SNX29: variants seen among roughly 807,000 people sequenced by gnomAD.
The protein encoded by SNX29 is sorting nexin-29.
A neutral mutation model predicts 102.1 loss-of-function variants in SNX29; 78 were observed. That is an observed-to-expected ratio of 0.76 (90% CI 0.64 to 0.92). The LOEUF (loss-of-function observed/expected upper bound fraction) is 0.92. Ranked by LOEUF, SNX29 falls within the 40% of genes least tolerant of loss-of-function variation. SNX29 has a pLI of 0.00. For synonymous variants in SNX29, 580 were observed against 414.5 expected, an observed-to-expected ratio of 1.40 and a Z score of -4.85; for missense variants, 1,280 against 1,061.7, an observed-to-expected ratio of 1.21 and a Z score of -2.86.
At position 12,436,069 on chromosome 16, in the gene SNX29, A is replaced by T. The variant is rs569013898; in HGVS notation, c.2037+32540A>T. 7.3e-4 allele frequency among the ~76,000 whole-genome samples: 111 copies of T among 152,194 alleles called. 1 individual carries two copies. Among genetic ancestry groups the T allele is most frequent in the African/African-American group, 2.5e-3 (105 of 41,534 alleles). ...TGGGGGCGGGTGTCAATGGCACTCA[A>T]TTGGGGCGCCGCACACACCGTGAGT... is the stretch of plus-strand genomic sequence containing the variant. On this transcript the variant is annotated intron_variant, in intron 18 of 20. Coordinates refer to ENST00000566228, the MANE Select transcript of SNX29 (RefSeq NM_032167.5).
intron 18 of SNX29, among the ~76,000 whole-genome samples, chr16:12,474,197 G>A (rs2087487417): frequency 6.6e-6 from 1 of 152,166 alleles, no homozygotes; most frequent in South Asian, 2.1e-4. Context: ...CATTACTTCA[G>A]CTGAAAAGGG....
chr16:12,158,241 C>T (rs1009667417), intron 13 of SNX29, among the ~76,000 whole-genome samples: 2 of 151,988 alleles, frequency 1.3e-5, no homozygotes, highest in Non-Finnish European at 2.9e-5. Flanking sequence ...GCTCTGGCAC[C>T]CAGGCTGGAG....
intron 9 of SNX29, among the ~76,000 whole-genome samples, chr16:12,066,000 C>T (rs1176285803): frequency 1.3e-5 from 2 of 152,144 alleles, no homozygotes; most frequent in East Asian, 1.9e-4. Context: ...CACCCCAGAG[C>T]GTCAGGCCCA....
At chr16:12,183,866 A>G (rs4781192) in intron 13 of SNX29, among the ~76,000 whole-genome samples, 1 of 152,138 alleles carries the variant, frequency 6.6e-6, no homozygotes, top group African/African-American at 2.4e-5. Flanking sequence ...TCTAGTCATC[A>G]TCACTGCTAT....
At position 12,545,169 on chromosome 16, in the gene SNX29, TCAGAG is replaced by T. The variant is rs1324072318; in HGVS notation, c.2318+20329_2318+20333del. On this transcript the variant is annotated intron_variant, in intron 20 of 20. Transcript: ENST00000566228. ...TGAAGTACAGACACTCTGCCAGCCG[TCAGAG>T]AAACAAATATGGTCAATACAAAAAA... Among the ~76,000 whole-genome samples, 12 of 152,156 alleles carry T rather than the reference TCAGAG, an allele frequency of 7.9e-5. No homozygotes were observed. The South Asian group carries it at 2.5e-3, about 32-fold the overall frequency.
intron 18 of SNX29, among the ~76,000 whole-genome samples, chr16:12,447,772 A>G (rs1474242221): frequency 6.6e-6 from 1 of 152,208 alleles, no homozygotes; most frequent in Non-Finnish European, 1.5e-5. Flanking sequence ...TCACTTGGCG[A>G]GAGTGCTTCA....
chr16:12,308,559 C>T (rs1292536776), intron 15 of SNX29, among the ~76,000 whole-genome samples: 2 of 152,118 alleles, frequency 1.3e-5, no homozygotes, highest in Non-Finnish European at 2.9e-5. Flanking sequence ...ACTTGTTGTG[C>T]ACTCCTCCGG....
chr16:12,552,001 G>C (rs1417484352), intron 20 of SNX29, among the ~76,000 whole-genome samples: 1 of 152,174 alleles, frequency 6.6e-6, no homozygotes, highest in East Asian at 1.9e-4. Context: ...GCTCCTGCTG[G>C]TCCCTGTCTC....
Position 12,470,022 on chromosome 16 carries a change from AAAATAAAT to A in SNX29, c.2038-7684_2038-7677del, listed in dbSNP as rs1296486783. Among the ~76,000 whole-genome samples the A allele has an allele frequency of 7.9e-5, 12 of 152,308 alleles. No homozygotes were observed. The East Asian group carries it at 1.9e-3, about 25-fold the overall frequency. ...GGGCAAAACTCCGTCTCAAAAAAAT[AAAATAAAT>A]AAATAAATAAATCGCAGGGCTTTTG... is the stretch of plus-strand genomic sequence containing the variant. On this transcript the variant is annotated intron_variant, in intron 18 of 20. Transcript: ENST00000566228.
intron 20 of SNX29, among the ~76,000 whole-genome samples, chr16:12,563,741 A>AC (rs1286782729): frequency 6.6e-6 from 1 of 152,170 alleles, no homozygotes; most frequent in African/African-American, 2.4e-5. Flanking sequence ...GTCATTCTTT[A>AC]CCCAACAGCC....
rs1306485268 is a variant in SNX29, at chr16:12,098,552, C to T, written c.1402+19637C>T. On this transcript the variant is annotated intron_variant, in intron 11 of 20. Coordinates refer to ENST00000566228, the MANE Select transcript of SNX29 (RefSeq NM_032167.5). This position sits in a 1 kb window ranked among gnomAD's most constrained non-coding sequence, Gnocchi z 6.0. The stretch of plus-strand genomic sequence containing the variant: ...CTGTACACACCGTCGGTTTCATGTG[C>T]GCAGACGATTCAGTTTCATGCGCGC... 6.6e-6 allele frequency among the ~76,000 whole-genome samples: 1 copy of T among 152,208 alleles called. No homozygotes were observed. Among genetic ancestry groups the T allele is most frequent in the Non-Finnish European group, 1.5e-5 (1 of 68,042 alleles).
chr16:12,311,766 A>C (rs2080560210), intron 15 of SNX29, among the ~76,000 whole-genome samples: 1 of 152,218 alleles, frequency 6.6e-6, no homozygotes, highest in South Asian at 2.1e-4. Flanking sequence ...ATCTCTGTAC[A>C]TCTCTGCTGT....
At chr16:12,148,251 A>G (rs2055149551) in intron 13 of SNX29, among the ~76,000 whole-genome samples, 1 of 152,218 alleles carries the variant, frequency 6.6e-6, no homozygotes, top group African/African-American at 2.4e-5. Context: ...CCACCCATGG[A>G]GCTACAAAAT....
intron 19 of SNX29, among the ~76,000 whole-genome samples, chr16:12,487,080 T>G (rs2088280956): frequency 6.6e-6 from 1 of 152,178 alleles, no homozygotes; most frequent in Non-Finnish European, 1.5e-5. Context: ...TTTTATATAC[T>G]AGGAATACTC....
chr16:12,540,478 A>G (rs1033262259), intron 20 of SNX29, among the ~76,000 whole-genome samples: 2 of 152,238 alleles, frequency 1.3e-5, no homozygotes, highest in African/African-American at 2.4e-5. Flanking sequence ...GGCTACAGTC[A>G]AGGTGTCGGC....
intron 4 of SNX29, among the ~76,000 whole-genome samples, chr16:12,036,334 CTTTTTTTT>C (rs1217078180): frequency 3.8e-5 from 3 of 78,500 alleles, no homozygotes; most frequent in African/African-American, 1.2e-4. Flanking sequence ...TTCTTTCTTT[CTTTTTTTT>C]TTTTTTTTTT....
intron 16 of SNX29, among the ~76,000 whole-genome samples, chr16:12,396,782 G>A (rs1430396940): frequency 6.6e-6 from 1 of 152,170 alleles, no homozygotes; most frequent in Non-Finnish European, 1.5e-5. Context: ...AAGGGTATTT[G>A]ATTACTTAGT....
intron 14 of SNX29, among the ~76,000 whole-genome samples, chr16:12,225,162 C>T (rs1445779194): frequency 6.6e-6 from 1 of 152,150 alleles, no homozygotes; most frequent in African/African-American, 2.4e-5. Context: ...ATTAATATCA[C>T]TGCCTTTGAT....
At chr16:12,371,714 T>C (rs1252522106) in intron 16 of SNX29, among the ~76,000 whole-genome samples, 2 of 152,222 alleles carry the variant, frequency 1.3e-5, no homozygotes, top group Non-Finnish European at 2.9e-5. Context: ...ATCGCCACAC[T>C]GTCCTGTTAG....
Sources: allele counts gnomAD v4.1 joint callset (sites outside exome capture counted in the v4.1 genomes callset), GRCh38; gene constraint gnomAD v4.1.1; non-coding constraint Gnocchi (gnomAD v3.1); transcripts MANE v1.5; gene names NCBI Gene and HGNC (gene_info 2026-07-23, HGNC 2026-07-21).